HSD17B12: variants seen among roughly 807,000 people sequenced by gnomAD.
HSD17B12 encodes the protein very-long-chain 3-oxoacyl-CoA reductase.
A neutral mutation model predicts 39.3 loss-of-function variants in HSD17B12; 32 were observed. The ratio of observed to expected loss-of-function variants is 0.81; its 90% CI spans 0.61 to 1.09. The LOEUF (loss-of-function observed/expected upper bound fraction) is 1.09, where lower values mean the gene tolerates loss of function less well. HSD17B12 is among the 50% of genes least tolerant of loss of function. HSD17B12 has a pLI of 0.00. For missense variants in HSD17B12, 342 were observed against 382.9 expected (o/e 0.89, Z 0.89); for synonymous variants, 150 against 146.7 (o/e 1.02, Z -0.16).
At chr11:43,655,225 A>G in the HSD17B12 span, among the ~76,000 whole-genome samples, 1 of 152,146 alleles carries the variant, frequency 6.6e-6, no homozygotes, top group Admixed American at 6.6e-5. Context: ...TTGGTGTATA[A>G]GAATGCTTGT....
At chr11:43,666,964 C>T in the HSD17B12 span, among the ~76,000 whole-genome samples, 51 of 152,324 alleles carry the variant, frequency 3.3e-4, 1 homozygote, top group Non-Finnish European at 2.1e-4. Context: ...CTTTTAATAA[C>T]TTGCTCTTTA....
chr11:43,671,845 G>A, the HSD17B12 span, among the ~76,000 whole-genome samples: 10 of 152,116 alleles, frequency 6.6e-5, no homozygotes, highest in Non-Finnish European at 4.4e-5. Flanking sequence ...AAAATGGGGT[G>A]GGATGCTTTT....
chr11:43,686,595 G>GTT (rs368909117), intron 1 of HSD17B12, among the ~76,000 whole-genome samples: 4,267 of 131,902 alleles, frequency 0.032, 103 homozygotes, highest in Non-Finnish European at 0.042. Flanking sequence ...CTCCCACCCT[G>GTT]TTTTTTTTTT....
At chr11:43,634,833 T>C in the HSD17B12 span, among the ~76,000 whole-genome samples, 2 of 152,168 alleles carry the variant, frequency 1.3e-5, no homozygotes, top group Non-Finnish European at 2.9e-5. Flanking sequence ...AGGGCTTCTA[T>C]TTAAGAACGC....
At chr11:43,778,152 T>C (rs957278566) in intron 3 of HSD17B12, among the ~76,000 whole-genome samples, 8 of 151,970 alleles carry the variant, frequency 5.3e-5, no homozygotes, top group Non-Finnish European at 1.2e-4. Flanking sequence ...ATAAAGGGGA[T>C]ATCACCACCG....
At chr11:43,569,475 T>A in the HSD17B12 span, 1 of 152,218 alleles carries the variant, frequency 6.6e-6, no homozygotes, top group Non-Finnish European at 1.5e-5. Context: ...TTTGACCTCC[T>A]AATACCACAA....
chr11:43,627,312 AAGT>A, the HSD17B12 span, among the ~76,000 whole-genome samples: 1 of 151,952 alleles, frequency 6.6e-6, no homozygotes, highest in East Asian at 1.9e-4. Flanking sequence ...TTTAAAATAA[AAGT>A]AGGATGATTA....
chr11:43,583,681 G>T, the HSD17B12 span, among the ~76,000 whole-genome samples: 2 of 100,044 alleles, frequency 2.0e-5, no homozygotes, highest in East Asian at 2.2e-4. Flanking sequence ...AGGGCAAAGT[G>T]GGGGGGGGTG....
At chr11:43,570,671 A>G in the HSD17B12 span, among the ~76,000 whole-genome samples, 87 of 152,326 alleles carry the variant, frequency 5.7e-4, no homozygotes, top group African/African-American at 2.0e-3. Context: ...ATGTTAATTT[A>G]GACCTCTATA....
At chr11:43,587,815 A>G in the HSD17B12 span, among the ~76,000 whole-genome samples, 2 of 152,224 alleles carry the variant, frequency 1.3e-5, no homozygotes, top group African/African-American at 4.8e-5. Context: ...CAGGGCTCAC[A>G]GCAAAGACGG....
At chr11:43,617,632 G>C in the HSD17B12 span, among the ~76,000 whole-genome samples, 1 of 152,134 alleles carries the variant, frequency 6.6e-6, no homozygotes, top group Non-Finnish European at 1.5e-5. Context: ...GAACTAAACT[G>C]CCTTTGAAAT....
intron 1 of HSD17B12, among the ~76,000 whole-genome samples, chr11:43,720,111 A>G (rs990453230): frequency 1.5e-4 from 23 of 150,306 alleles, no homozygotes; most frequent in African/African-American, 5.5e-4. Flanking sequence ...AAAAGATCTT[A>G]TGGACAAACC....
chr11:43,680,099 G>A (rs1034881481), upstream of HSD17B12, among the ~76,000 whole-genome samples: 1 of 151,060 alleles, frequency 6.6e-6, no homozygotes, highest in Non-Finnish European at 1.5e-5. Flanking sequence ...GTTTTGGGAT[G>A]GAGTCTCACT....
At chr11:43,586,164 C>G in the HSD17B12 span, among the ~76,000 whole-genome samples, 566 of 152,254 alleles carry the variant, frequency 3.7e-3, 7 homozygotes, top group East Asian at 0.033. Context: ...TAAACATAAT[C>G]CAGGACAACA....
intron 4 of HSD17B12, among the ~76,000 whole-genome samples, chr11:43,801,120 C>G (rs1177722659): frequency 1.3e-5 from 2 of 150,062 alleles, no homozygotes; most frequent in African/African-American, 4.9e-5. Context: ...GCCTGGGTGA[C>G]AAAGTGAGAC....
the HSD17B12 span, among the ~76,000 whole-genome samples, chr11:43,584,350 C>T: frequency 2.0e-5 from 3 of 152,152 alleles, no homozygotes; most frequent in African/African-American, 4.8e-5. Flanking sequence ...ACTTCTCAAA[C>T]TAGAAGGCTT....
intron 3 of HSD17B12, among the ~76,000 whole-genome samples, chr11:43,795,913 G>C (rs551468012): frequency 2.6e-5 from 4 of 152,176 alleles, no homozygotes; most frequent in Admixed American, 2.6e-4. Flanking sequence ...AGGAGTGCTG[G>C]GGGGGATGGT....
chr11:43,640,004 G>C, the HSD17B12 span, among the ~76,000 whole-genome samples: 1 of 152,140 alleles, frequency 6.6e-6, no homozygotes, highest in East Asian at 1.9e-4. Context: ...GTGAAAATTG[G>C]TTATGTTTGG....
chr11:43,746,105 G>C (rs1433804692), intron 1 of HSD17B12, among the ~76,000 whole-genome samples: 2 of 152,170 alleles, frequency 1.3e-5, no homozygotes, highest in Non-Finnish European at 2.9e-5. Context: ...CTGGGTAAGT[G>C]AGTGAGTGAG....
Sources: gnomAD v4.1 joint callset for allele counts (sites outside exome capture counted in the v4.1 genomes callset) on GRCh38, gnomAD v4.1.1 for gene constraint, MANE v1.5 for transcripts, NCBI Gene and HGNC (gene_info 2026-07-23, HGNC 2026-07-21) for gene names.